Variants in KCNH1 observed in about 807,000 individuals in gnomAD.
The protein encoded by KCNH1 is potassium voltage-gated channel subfamily H member 1.
KCNH1 carries 27 observed loss-of-function variants against 69.2 expected under a neutral mutation model. The ratio of observed to expected loss-of-function variants is 0.39; its 90% CI spans 0.29 to 0.54. The LOEUF (loss-of-function observed/expected upper bound fraction) is 0.54. Ranked by LOEUF, KCNH1 falls within the 20% of genes least tolerant of loss-of-function variation. The probability of loss-of-function intolerance (pLI) is 0.68; values close to 1 mark genes in which losing one functional copy is unlikely to be tolerated. For missense variants in KCNH1, 798 were observed against 1,261.6 expected (o/e 0.63, Z 5.57); for synonymous variants, 456 against 487.7 (o/e 0.93, Z 0.86).
intron 1 of KCNH1, among the ~76,000 whole-genome samples, chr1:211,131,692 T>C (rs753878480): frequency 6.6e-6 from 1 of 152,194 alleles, no homozygotes; most frequent in Non-Finnish European, 1.5e-5. Context: ...GGAGTTCACA[T>C]TTTTTCTTCC....
chr1:210,999,630 A>T (rs1185041529), intron 6 of KCNH1, among the ~76,000 whole-genome samples: 11 of 152,226 alleles, frequency 7.2e-5, no homozygotes, highest in African/African-American at 2.2e-4. Context: ...TTCCAATGTA[A>T]AGAAAAAGAG....
chr1:210,743,075 C>T (rs536596543), intron 10 of KCNH1, among the ~76,000 whole-genome samples: 1 of 152,210 alleles, frequency 6.6e-6, no homozygotes, highest in African/African-American at 2.4e-5. Context: ...ATTAAACAGG[C>T]TACTTCACAA....
intron 10 of KCNH1, among the ~76,000 whole-genome samples, chr1:210,695,084 C>A (rs556027200): frequency 6.6e-6 from 1 of 152,254 alleles, no homozygotes; most frequent in Non-Finnish European, 1.5e-5. Flanking sequence ...AATCCAACCT[C>A]TCTTTAGAAT....
At chr1:210,849,582 T>C (rs1420195602) in intron 7 of KCNH1, among the ~76,000 whole-genome samples, 1 of 151,944 alleles carries the variant, frequency 6.6e-6, no homozygotes, top group African/African-American at 2.4e-5. Flanking sequence ...GTTAGGCTGG[T>C]CTCAAATTCC....
At chr1:210,757,181 C>A (rs1454506783) in intron 10 of KCNH1, among the ~76,000 whole-genome samples, 1 of 152,148 alleles carries the variant, frequency 6.6e-6, no homozygotes, top group East Asian at 1.9e-4. Flanking sequence ...TCAGCATGCC[C>A]TGTCTATCTC....
At chr1:210,828,659 G>T (rs1334679737) in intron 7 of KCNH1, among the ~76,000 whole-genome samples, 1 of 152,166 alleles carries the variant, frequency 6.6e-6, no homozygotes, top group African/African-American at 2.4e-5. Context: ...CTTGGTACCT[G>T]CCATGTAGTA....
At chr1:210,986,290 G>T (rs1015096642) in intron 6 of KCNH1, among the ~76,000 whole-genome samples, 1 of 152,162 alleles carries the variant, frequency 6.6e-6, no homozygotes, top group African/African-American at 2.4e-5. Flanking sequence ...TACATTTAAG[G>T]TTAATATTGT....
intron 9 of KCNH1, among the ~76,000 whole-genome samples, chr1:210,791,601 A>T (rs1009096481): frequency 1.3e-5 from 2 of 152,206 alleles, no homozygotes; most frequent in African/African-American, 4.8e-5. Flanking sequence ...TTCCAAGCCC[A>T]GTTCAACTTC....
intron 6 of KCNH1, among the ~76,000 whole-genome samples, chr1:210,927,105 C>T (rs1687589016): frequency 6.6e-6 from 1 of 152,140 alleles, no homozygotes; most frequent in Non-Finnish European, 1.5e-5. Flanking sequence ...ATTGGTATTC[C>T]TGGGGAAGAA....
At chr1:210,904,826 A>G (rs1431849294) in intron 7 of KCNH1, among the ~76,000 whole-genome samples, 1 of 152,228 alleles carries the variant, frequency 6.6e-6, no homozygotes, top group Non-Finnish European at 1.5e-5. Context: ...TCACTCTGCC[A>G]ATGAAATAGA....
chr1:210,963,445 A>C (rs530518712), intron 6 of KCNH1, among the ~76,000 whole-genome samples: 1 of 152,224 alleles, frequency 6.6e-6, no homozygotes, highest in East Asian at 1.9e-4. Context: ...AGTTTGACAA[A>C]TTGACAGAAA....
At chr1:210,797,463 G>A (rs778752773) in intron 9 of KCNH1, 45 bp downstream of exon 9, 2 of 1,597,782 alleles carry the variant, frequency 1.3e-6, no homozygotes, top group Non-Finnish European at 1.7e-6. Context: ...CAGAAGCTAA[G>A]CCAACCCCAG....
At chr1:210,893,333 G>C (rs552868185) in intron 7 of KCNH1, among the ~76,000 whole-genome samples, 4 of 152,020 alleles carry the variant, frequency 2.6e-5, no homozygotes, top group Non-Finnish European at 5.9e-5. Flanking sequence ...GTGCTCTATT[G>C]TTTTCTACTT....
intron 9 of KCNH1, among the ~76,000 whole-genome samples, chr1:210,795,962 A>AACACACACACACACACAC (rs369505764): frequency 2.1e-4 from 28 of 136,092 alleles, no homozygotes; most frequent in African/African-American, 6.3e-4. Context: ...CTCTACTAAA[A>AACACACACACACACACAC]ACACACACAC....
rs115474715 is a variant in KCNH1 at position 210,834,847 on chromosome 1, C to G, written c.1463-30681G>C. Among the ~76,000 whole-genome samples, 319 of 152,132 alleles carry G rather than the reference C, an allele frequency of 2.1e-3. 3 individuals are homozygous for G. The highest frequency in any genetic ancestry group is 7.6e-3 in the African/African-American group (314 of 41,478). On this transcript the variant is annotated intron_variant, in intron 7 of 10. Transcript: ENST00000271751. ...TGGTGTCTATGAGCCAGGAAGTAGG[C>G]CTTCACCAAATGCAGATTCTGATGG...
At chr1:211,047,987 C>T (rs1277810682) in intron 5 of KCNH1, among the ~76,000 whole-genome samples, 1 of 150,894 alleles carries the variant, frequency 6.6e-6, no homozygotes, top group Non-Finnish European at 1.5e-5. Context: ...AAAATGAAAA[C>T]ATATGAAAAA....
At chr1:211,004,725 A>G (rs1374436043) in intron 6 of KCNH1, among the ~76,000 whole-genome samples, 1 of 152,176 alleles carries the variant, frequency 6.6e-6, no homozygotes, top group Admixed American at 6.5e-5. Flanking sequence ...GTGGATTTAA[A>G]AAATAGGCTT....
At chr1:210,863,256 G>A (rs1213246955) in intron 7 of KCNH1, among the ~76,000 whole-genome samples, 1 of 152,156 alleles carries the variant, frequency 6.6e-6, no homozygotes, top group East Asian at 1.9e-4. Context: ...GGGCACTAGG[G>A]GGTGGAGGAG....
At chr1:210,971,834 C>G (rs952315059) in intron 6 of KCNH1, among the ~76,000 whole-genome samples, 4 of 151,894 alleles carry the variant, frequency 2.6e-5, no homozygotes, top group African/African-American at 9.7e-5. Context: ...ATACTTCATA[C>G]TTAAAGATAT....
Sources: allele counts gnomAD v4.1 joint callset (sites outside exome capture counted in the v4.1 genomes callset), GRCh38; gene constraint gnomAD v4.1.1; transcripts MANE v1.5; gene names NCBI Gene and HGNC (gene_info 2026-07-23, HGNC 2026-07-21).